ADARB2: variants seen among roughly 807,000 people sequenced by gnomAD.
ADARB2 encodes inactive double-stranded RNA-specific editase B2.
Under a neutral mutation model 62.2 loss-of-function variants are expected in ADARB2, and 25 were observed. The ratio of observed to expected loss-of-function variants is 0.40; its 90% CI spans 0.29 to 0.56. ADARB2 has a LOEUF of 0.56. ADARB2 is among the 20% of genes least tolerant of loss of function. The pLI, the probability that ADARB2 is intolerant of heterozygous loss-of-function variation, is 0.43. For missense variants in ADARB2, 1,071 were observed against 1,077.4 expected (o/e 0.99, Z 0.08); for synonymous variants, 572 against 500.8 (o/e 1.14, Z -1.90).
chr10:1,325,140 A>G (rs1003918894), intron 3 of ADARB2, among the ~76,000 whole-genome samples: 1 of 152,214 alleles, frequency 6.6e-6, no homozygotes, highest in Non-Finnish European at 1.5e-5. Flanking sequence ...TCTGCTCCAC[A>G]TGCTGCTCAG....
intron 3 of ADARB2, among the ~76,000 whole-genome samples, chr10:1,352,618 G>A (rs1832154472): frequency 6.6e-6 from 1 of 152,180 alleles, no homozygotes; most frequent in African/African-American, 2.4e-5. Flanking sequence ...TACTTTTAGA[G>A]GCCCTCAAAA....
In ADARB2 at chr10:1,501,132, C is replaced by T. The variant is rs1215633933; in HGVS notation, c.101-121972G>A. Among the ~76,000 whole-genome samples, 4 of 152,218 alleles carry T rather than the reference C, an allele frequency of 2.6e-5. No individual in the cohort carries two copies. In the East Asian group the frequency reaches 7.7e-4, roughly 29 times the overall value. Reference sequence around the variant, plus strand: ...TCGTGATCTGCCTGCCTCAGCCTCCCAAAGTGCTGGGATTATAGGCGTGAG... The same window carrying T: ...TCGTGATCTGCCTGCCTCAGCCTCCTAAAGTGCTGGGATTATAGGCGTGAG... On this transcript the variant is annotated intron_variant, in intron 1 of 9. Transcript: ENST00000381312.
At chr10:1,209,476 T>TGCCCATGCCTACACTGTC (rs1333321026) in intron 7 of ADARB2, among the ~76,000 whole-genome samples, 4 of 127,698 alleles carry the variant, frequency 3.1e-5, no homozygotes, top group African/African-American at 1.4e-4. Flanking sequence ...CCCACACCCA[T>TGCCCATGCCTACACTGTC]GCCCATGCCT....
chr10:1,311,489 C>T (rs1262785541), intron 3 of ADARB2, among the ~76,000 whole-genome samples: 2 of 152,092 alleles, frequency 1.3e-5, no homozygotes, highest in Non-Finnish European at 2.9e-5. Context: ...AAAAAAGACA[C>T]CTGACGTTGT....
chr10:1,736,108 A>T (rs753776825), intron 1 of ADARB2, among the ~76,000 whole-genome samples: 4 of 152,196 alleles, frequency 2.6e-5, no homozygotes, highest in Non-Finnish European at 4.4e-5. Flanking sequence ...CACATTTCAA[A>T]TCATGATTAG....
chr10:1,681,111 G>A (rs541003949), intron 1 of ADARB2, among the ~76,000 whole-genome samples: 28 of 152,308 alleles, frequency 1.8e-4, no homozygotes, highest in Middle Eastern at 6.8e-3. Context: ...ATGTAAGGAC[G>A]CAGCAACCTC....
intron 1 of ADARB2, among the ~76,000 whole-genome samples, chr10:1,645,102 G>T (rs953834799): frequency 6.6e-5 from 10 of 152,244 alleles, no homozygotes; most frequent in African/African-American, 2.4e-4. Context: ...GAGAATCAGT[G>T]GGTCCTGGGA....
chr10:1,246,019 T>C (rs1439177142), intron 4 of ADARB2, among the ~76,000 whole-genome samples: 2 of 151,594 alleles, frequency 1.3e-5, no homozygotes, highest in African/African-American at 4.8e-5. Flanking sequence ...GACTTTTTAA[T>C]GATTGCCATT....
chr10:1,480,850 T>C (rs1831461426), intron 1 of ADARB2, among the ~76,000 whole-genome samples: 2 of 152,228 alleles, frequency 1.3e-5, no homozygotes, highest in South Asian at 4.1e-4. Flanking sequence ...AAAGACATCT[T>C]ATGATTGGAA....
chr10:1,663,040 G>T (rs1834269098), intron 1 of ADARB2, among the ~76,000 whole-genome samples: 1 of 152,246 alleles, frequency 6.6e-6, no homozygotes, highest in African/African-American at 2.4e-5. Flanking sequence ...GATGTGATTA[G>T]CTGCAATGTT....
chr10:1,506,676 G>A (rs1199075933), intron 1 of ADARB2, among the ~76,000 whole-genome samples: 1 of 152,190 alleles, frequency 6.6e-6, no homozygotes. Context: ...TGTTCATCTC[G>A]TAAAAGAGGA....
chr10:1,371,610 A>T (rs1235403636), intron 2 of ADARB2, among the ~76,000 whole-genome samples: 1 of 152,130 alleles, frequency 6.6e-6, no homozygotes, highest in East Asian at 1.9e-4. Context: ...GCAAGAAAAA[A>T]CCAAACAACT....
Position 1,183,351 on chromosome 10 carries a change from T to A in ADARB2, c.2062A>T (p.Ser688Cys). 6.2e-7 allele frequency: 1 copy of A among 1,613,308 alleles called. No individual in the cohort carries two copies. ...TACATGGAGGGCGTGTCTCCAGGGC[T>A]GGGTGTCCGTGTGCTCAGCTGCGGA... ...LYGRLSTRTPSPGDTPSMYCE... is the reference protein window; with the variant it reads ...LYGRLSTRTPCPGDTPSMYCE... The change falls in exon 10 of 10, where the codon AGC (serine) becomes TGC (cysteine). Residue 688 changes from serine (S) to cysteine (C), a missense_variant. Transcript: ENST00000381312.
chr10:1,525,241 A>T (rs193163613), intron 1 of ADARB2, among the ~76,000 whole-genome samples: 15 of 152,350 alleles, frequency 9.8e-5, no homozygotes, highest in African/African-American at 3.4e-4. Flanking sequence ...TAACACGTGC[A>T]TATGAGGTTA....
At chr10:1,488,221 C>CAAAAAAAAAAAAAAAA (rs573554204) in intron 1 of ADARB2, among the ~76,000 whole-genome samples, 2 of 130,334 alleles carry the variant, frequency 1.5e-5, no homozygotes, top group African/African-American at 2.7e-5. Context: ...TCAGATTTGG[C>CAAAAAAAAAAAAAAAA]AAAGAAAAAA....
chr10:1,590,148 T>C (rs1440806738), intron 1 of ADARB2, among the ~76,000 whole-genome samples: 1 of 152,210 alleles, frequency 6.6e-6, no homozygotes, highest in Non-Finnish European at 1.5e-5. Context: ...CCATGTGGTA[T>C]CATCGCAAGG....
At chr10:1,316,114 C>T (rs886517238) in intron 3 of ADARB2, among the ~76,000 whole-genome samples, 2 of 152,210 alleles carry the variant, frequency 1.3e-5, no homozygotes, top group African/African-American at 4.8e-5. Context: ...TTTTTAAAGA[C>T]TGAGTGTGAA....
rs191132611 is a variant in ADARB2 at position 1,281,445 on chromosome 10, C to T, written c.1078-10376G>A. On this transcript the variant is annotated intron_variant, in intron 3 of 9. Transcript: ENST00000381312. Reference sequence around the variant, plus strand: ...GCAATAGGAGGCCCAGGCAAAGCACCATGCGCTTATATGCTTTGTGCTGGT... The same window carrying T: ...GCAATAGGAGGCCCAGGCAAAGCACTATGCGCTTATATGCTTTGTGCTGGT... 5.9e-5 allele frequency among the ~76,000 whole-genome samples: 9 copies of T among 152,370 alleles called. No individual in the cohort carries two copies. The East Asian group carries it at 1.5e-3, about 26-fold the overall frequency.
intron 3 of ADARB2, among the ~76,000 whole-genome samples, chr10:1,321,795 T>A (rs1382931392): frequency 6.6e-6 from 1 of 152,204 alleles, no homozygotes; most frequent in African/African-American, 2.4e-5. Context: ...CATGGGTTGG[T>A]AAGCCCTGTA....
Sources: allele counts gnomAD v4.1 joint callset (sites outside exome capture counted in the v4.1 genomes callset), GRCh38; gene constraint gnomAD v4.1.1; transcripts MANE v1.5; gene names NCBI Gene and HGNC (gene_info 2026-07-23, HGNC 2026-07-21).